The following DGKG variants were observed in gnomAD, a reference collection of about 807,000 sequenced individuals.
DGKG encodes diacylglycerol kinase gamma.
DGKG carries 78 observed loss-of-function variants against 105.3 expected under a neutral mutation model. That is an observed-to-expected ratio of 0.74 (90% CI 0.62 to 0.89). The LOEUF (loss-of-function observed/expected upper bound fraction) is 0.89. Ranked by LOEUF, DGKG falls within the 40% of genes least tolerant of loss-of-function variation. The pLI is 0.00. For synonymous variants in DGKG, 346 were observed against 367.1 expected (o/e 0.94, Z 0.66); for missense variants, 958 against 1,020.1 (o/e 0.94, Z 0.83).
chr3:186,278,711 C>A (rs961833703), intron 9 of DGKG, among the ~76,000 whole-genome samples: 7 of 152,148 alleles, frequency 4.6e-5, no homozygotes, highest in African/African-American at 1.7e-4. Flanking sequence ...GGGGGCTCAG[C>A]TTTAGTCCTG....
chr3:186,313,499 T>G lies in DGKG; in HGVS notation c.68-6522A>C, dbSNP rs140608680. 1.7e-3 allele frequency: 1,664 copies of G among 985,332 alleles called. 5 individuals are homozygous for G. The highest frequency in any genetic ancestry group is 0.013 in the Middle Eastern group (25 of 1,912). The allele number at this position is 985,332 out of a possible 1,614,324, so 61.0% of individuals were successfully genotyped here. A position where few individuals can be genotyped will look rare whatever the true frequency, so the allele number is the denominator to read the frequency against. The stretch of plus-strand genomic sequence containing the variant: ...CTTTTCTCCAAATAATTTGGCTTCA[T>G]CAGTCGTATTTCAAGTGAAGGTGGA... On this transcript the variant is annotated intron_variant, in intron 2 of 24. Coordinates refer to ENST00000265022, the MANE Select transcript of DGKG (RefSeq NM_001346.3).
chr3:186,262,248 C>A (rs1374866031), intron 14 of DGKG, among the ~76,000 whole-genome samples: 1 of 152,184 alleles, frequency 6.6e-6, no homozygotes, highest in East Asian at 1.9e-4. Context: ...ACATTTCTCA[C>A]TGGCCAGTGG....
chr3:186,150,235 T>C (rs756060023), intron 24 of DGKG, 47 bp from the exon 25 acceptor site: 6 of 1,578,576 alleles, frequency 3.8e-6, no homozygotes, highest in Non-Finnish European at 5.2e-6. Context: ...CAAATCTCAG[T>C]AGCCTAAGGG....
At chr3:186,229,125 A>G (rs963205717) in intron 20 of DGKG, among the ~76,000 whole-genome samples, 3 of 152,210 alleles carry the variant, frequency 2.0e-5, no homozygotes, top group African/African-American at 7.2e-5. Context: ...TGATACATCT[A>G]CAAGCTAAGG....
chr3:186,217,401 C>T (rs1004592687), intron 20 of DGKG, among the ~76,000 whole-genome samples: 2 of 152,148 alleles, frequency 1.3e-5, no homozygotes, highest in Non-Finnish European at 2.9e-5. Flanking sequence ...CAGATGAACC[C>T]ATTCTTGAGG....
intron 1 of DGKG, among the ~76,000 whole-genome samples, chr3:186,334,289 C>T (rs1299194724): frequency 1.3e-5 from 2 of 152,116 alleles, no homozygotes; most frequent in Admixed American, 6.5e-5. Flanking sequence ...ATTCCCCCAC[C>T]CCACCCTGCA....
chr3:186,307,664 T>C (rs188527287), intron 2 of DGKG, among the ~76,000 whole-genome samples: 134 of 152,360 alleles, frequency 8.8e-4, no homozygotes, highest in Non-Finnish European at 1.6e-3. Flanking sequence ...TCTTTGTCTA[T>C]CATACTAAGG....
intron 17 of DGKG, among the ~76,000 whole-genome samples, chr3:186,256,261 G>C (rs1721465967): frequency 6.6e-6 from 1 of 152,152 alleles, no homozygotes; most frequent in South Asian, 2.1e-4. Flanking sequence ...CAGGTGTACG[G>C]TCCTGCAGCC....
rs371158914 is a variant in DGKG at position 186,265,318 on chromosome 3, A to G, written c.1210-12T>C. ...TCACCTGGCCTGTCCTGTGACAAGA[A>G]AGGAAAGACAAGCATCTTTTGGAAA... On this transcript the variant is annotated splice_polypyrimidine_tract_variant and intron_variant, in intron 13 of 24. Coordinates refer to ENST00000265022, the MANE Select transcript of DGKG (RefSeq NM_001346.3). The G allele has an allele frequency of 6.2e-7, 1 of 1,613,932 alleles. No homozygotes were observed. Among genetic ancestry groups the G allele is most frequent in the Non-Finnish European group, 8.5e-7 (1 of 1,179,758 alleles).
chr3:186,249,007 C>G (rs780070948), intron 19 of DGKG, among the ~76,000 whole-genome samples: 2 of 152,166 alleles, frequency 1.3e-5, no homozygotes, highest in Non-Finnish European at 2.9e-5. Flanking sequence ...GGGAAGCCCA[C>G]GCTCCAGAAC....
chr3:186,195,155 A>G (rs971846085), intron 21 of DGKG, among the ~76,000 whole-genome samples: 2 of 152,084 alleles, frequency 1.3e-5, no homozygotes, highest in Non-Finnish European at 2.9e-5. Flanking sequence ...AGAGAGTATA[A>G]TAAACCCCCG....
At position 186,293,176 on chromosome 3, in the gene DGKG, C is replaced by T. The variant is rs550055850; in HGVS notation, c.373+4245G>A. Among the ~76,000 whole-genome samples the T allele has an allele frequency of 5.4e-4, 82 of 152,298 alleles. 1 individual carries two copies. In the South Asian group the frequency reaches 0.017, roughly 31 times the overall value. On this transcript the variant is annotated intron_variant, in intron 5 of 24. Coordinates refer to ENST00000265022, the MANE Select transcript of DGKG (RefSeq NM_001346.3). ...ATTAGGGTTCACTCTTGGTGTTCTA[C>T]ATTCTGTGGGTTTGGGCAAATGTAC...
At chr3:186,166,235 G>T (rs1002818998) in intron 22 of DGKG, among the ~76,000 whole-genome samples, 1 of 151,828 alleles carries the variant, frequency 6.6e-6, no homozygotes, top group Non-Finnish European at 1.5e-5. Flanking sequence ...AATTACTGAC[G>T]ATCACTAATG....
chr3:186,171,016 T>C (rs777870433), intron 22 of DGKG, among the ~76,000 whole-genome samples: 2 of 152,172 alleles, frequency 1.3e-5, no homozygotes, highest in East Asian at 3.8e-4. Context: ...ACAAAAACAA[T>C]GTTCAAGTTC....
intron 18 of DGKG, 111 bp downstream of exon 18, chr3:186,252,982 T>C (rs1328443013): frequency 4.6e-6 from 4 of 873,202 alleles, no homozygotes; most frequent in Non-Finnish European, 7.5e-6. Flanking sequence ...AGTTGAGTAT[T>C]ATGCTGCGGA....
chr3:186,242,576 TGAAA>T lies in DGKG; in HGVS notation c.1762-12_1762-9del. 1 of 1,612,886 alleles carries T rather than the reference TGAAA, an allele frequency of 6.2e-7. No individual in the cohort carries two copies. Among genetic ancestry groups the T allele is most frequent in the Non-Finnish European group, 8.5e-7 (1 of 1,179,138 alleles). ...GTGTGCAATGGAAGCGTCCTGAAAG[TGAAA>T]GAGACAAAGCAGATCCTTGGTGAGT... is the stretch of plus-strand genomic sequence containing the variant. On this transcript the variant is annotated splice_polypyrimidine_tract_variant and intron_variant, in intron 19 of 24. Coordinates refer to ENST00000265022, the MANE Select transcript of DGKG (RefSeq NM_001346.3).
At chr3:186,270,717 G>A (rs1455805321) in intron 11 of DGKG, among the ~76,000 whole-genome samples, 2 of 152,220 alleles carry the variant, frequency 1.3e-5, no homozygotes, top group Admixed American at 1.3e-4. Flanking sequence ...GCTGGTAAGC[G>A]GCCAAGTAGG....
intron 23 of DGKG, 128 bp downstream of exon 23, chr3:186,164,770 C>T: frequency 8.6e-7 from 1 of 1,167,540 alleles, no homozygotes; most frequent in Non-Finnish European, 1.2e-6. Flanking sequence ...ACGTTCTTTA[C>T]AAACATTATC....
intron 3 of DGKG, among the ~76,000 whole-genome samples, chr3:186,303,391 C>G (rs1724069885): frequency 6.6e-6 from 1 of 152,172 alleles, no homozygotes; most frequent in Non-Finnish European, 1.5e-5. Context: ...TTTTCCCCAG[C>G]AGCTTTTATG....
Sources: gnomAD v4.1 joint callset for allele counts (sites outside exome capture counted in the v4.1 genomes callset) on GRCh38, gnomAD v4.1.1 for gene constraint, MANE v1.5 for transcripts, NCBI Gene and HGNC (gene_info 2026-07-23, HGNC 2026-07-21) for gene names.